UNC13A: variants seen among roughly 807,000 people sequenced by gnomAD.
UNC13A encodes unc-13 homolog A.
UNC13A carries 61 observed loss-of-function variants against 219.7 expected under a neutral mutation model. The observed-to-expected ratio is 0.28, with a 90% CI of 0.23 to 0.34. The LOEUF is 0.34. UNC13A is among the 10% of genes least tolerant of loss of function. The pLI is 1.00. For synonymous variants in UNC13A, 920 were observed against 884.6 expected (o/e 1.04, Z -0.71); for missense variants, 1,476 against 2,270.3 (o/e 0.65, Z 7.11).
Position 17,606,279 on chromosome 19 carries a change from C to G in UNC13A, c.4887G>C (p.Glu1629Asp). ...VCVKDYCFAR[E>D]DRTVGLAVLQ... ...GCACGGCCAGCCCCACCGTGCGGTC[C>G]TCGCGCGCGAAGCAGTAGTCCTTGA... Residue 1629 changes from glutamate (E) to aspartate (D), a missense_variant, in exon 44 of 44, where the codon GAG (glutamate) becomes GAC (aspartate). By Grantham distance (45) the Glu-to-Asp change is conservative (BLOSUM62 2). This residue lies in a region of UNC13A where 187 missense variants were observed against 172.3 expected (regional missense o/e 1.09). Transcript: ENST00000519716. 2 of 1,548,858 alleles carry G rather than the reference C, an allele frequency of 1.3e-6. No homozygotes were observed. The highest frequency in any genetic ancestry group is 1.7e-6 in the Non-Finnish European group (2 of 1,146,926).
At chr19:17,669,812 C>A in intron 4 of UNC13A, 136 bp from the exon 5 acceptor site, 2 of 1,053,248 alleles carry the variant, frequency 1.9e-6, no homozygotes, top group South Asian at 4.4e-5. Flanking sequence ...TCTTTCCTTC[C>A]GTCCTTCCTT....
intron 30 of UNC13A, 100 bp downstream of exon 30, chr19:17,630,045 C>T: frequency 7.4e-7 from 1 of 1,355,148 alleles, no homozygotes; most frequent in Non-Finnish European, 1.0e-6. Context: ...ACATCACCAA[C>T]TCCAACCTCA....
At chr19:17,625,999 A>G (rs2076779230) in intron 34 of UNC13A, among the ~76,000 whole-genome samples, 1 of 150,106 alleles carries the variant, frequency 6.7e-6, no homozygotes, top group African/African-American at 2.5e-5. Context: ...ACATCAAAAC[A>G]TTTATTCATT....
Position 17,669,546 on chromosome 19 carries a change from T to TACTC in UNC13A, c.394+3_394+6dup. 1 of 1,613,128 alleles carries TACTC rather than the reference T, an allele frequency of 6.2e-7. No homozygotes were observed. Among genetic ancestry groups the TACTC allele is most frequent in the Non-Finnish European group, 8.5e-7 (1 of 1,179,498 alleles). Reference sequence around the variant, plus strand: ...GCTGGGTGAAGGTCCCGGGCCCCTGTACTCACCTAAGGGTAGCTCAAAGCG... The same window carrying TACTC: ...GCTGGGTGAAGGTCCCGGGCCCCTGTACTCACTCACCTAAGGGTAGCTCAAAGCG... On this transcript the variant is annotated splice_region_variant and intron_variant, in intron 5 of 43. Transcript: ENST00000519716.
intron 31 of UNC13A, chr19:17,628,290 C>A: frequency 6.4e-6 from 2 of 313,828 alleles, no homozygotes; most frequent in South Asian, 4.2e-5. Context: ...TTGCAACAGC[C>A]AGACAGTGAC....
chr19:17,632,362 G>A (rs2076865332), intron 28 of UNC13A, among the ~76,000 whole-genome samples: 1 of 152,172 alleles, frequency 6.6e-6, no homozygotes, highest in Non-Finnish European at 1.5e-5. Context: ...TAATTTTAGA[G>A]ATGGGATCTG....
In UNC13A at chr19:17,648,600, C is replaced by CGA; in HGVS notation, c.1645_1646dup (p.Cys550ArgfsTer83). 1 of 1,613,532 alleles carries CGA rather than the reference C, an allele frequency of 6.2e-7. No individual in the cohort carries two copies. The highest frequency in any genetic ancestry group is 8.5e-7 in the Non-Finnish European group (1 of 1,179,602). On this transcript the variant is annotated frameshift_variant, in exon 16 of 44. Transcript: ENST00000519716. LOFTEE classifies it high-confidence loss of function. ...CTTCGAAGTTGTGTGGCGTCGTGCA[C>CGA]GAGATGGGGTAGATTAAGGCTTGCA...
chr19:17,619,768 C>T (rs528553078), intron 38 of UNC13A, among the ~76,000 whole-genome samples: 18 of 152,218 alleles, frequency 1.2e-4, no homozygotes, highest in African/African-American at 4.3e-4. Flanking sequence ...TCCCTCTATA[C>T]AAACACCTCC....
chr19:17,644,880 T>C (rs897501943), intron 19 of UNC13A, among the ~76,000 whole-genome samples: 4 of 149,476 alleles, frequency 2.7e-5, no homozygotes, highest in Admixed American at 2.0e-4. Context: ...TTTATAGAGA[T>C]GGGGTTTCAC....
At chr19:17,625,761 C>G (rs988100597) in intron 34 of UNC13A, among the ~76,000 whole-genome samples, 19 of 150,654 alleles carry the variant, frequency 1.3e-4, no homozygotes, top group Admixed American at 1.2e-3. Flanking sequence ...TGCATCAAAA[C>G]ATTTATTTAT....
At chr19:17,668,215 G>T in intron 5 of UNC13A, 25 bp from the exon 6 acceptor site, 2 of 1,607,822 alleles carry the variant, frequency 1.2e-6, no homozygotes, top group Non-Finnish European at 1.7e-6. Context: ...CTGTCTGTGA[G>T]CCTGGAAGAC....
rs1388141302 is a variant in UNC13A at position 17,674,771 on chromosome 19, G to T, written c.53-15C>A. On this transcript the variant is annotated splice_polypyrimidine_tract_variant and intron_variant, in intron 2 of 43. Coordinates refer to ENST00000519716, the MANE Select transcript of UNC13A (RefSeq NM_001080421.3). This position sits in a 1 kb window ranked among gnomAD's most constrained non-coding sequence, Gnocchi z 5.0. The stretch of plus-strand genomic sequence containing the variant: ...GTTGAATTTCTCTGTGGCAGTGAGA[G>T]TAGGGGTCAGCGCTGGGGCTCAGGG... The T allele has an allele frequency of 6.2e-7, 1 of 1,608,708 alleles. No homozygotes were observed. The highest frequency in any genetic ancestry group is 2.2e-5 in the East Asian group (1 of 44,858).
chr19:17,677,878 G>A (rs1420218504), intron 1 of UNC13A, among the ~76,000 whole-genome samples: 2 of 152,002 alleles, frequency 1.3e-5, no homozygotes, highest in South Asian at 2.1e-4. Flanking sequence ...TCCATGCGTC[G>A]GCAACCATAC....
intron 4 of UNC13A, among the ~76,000 whole-genome samples, 170 bp from the exon 5 acceptor site, chr19:17,669,846 C>T (rs985598821): frequency 6.6e-6 from 1 of 151,566 alleles, no homozygotes; most frequent in Admixed American, 6.6e-5. Context: ...CCTTCCCTCC[C>T]TCCCTCCCTG....
rs959935710 is a variant in UNC13A, at chr19:17,662,198, C to T, written c.559+1334G>A. Among the ~76,000 whole-genome samples the T allele has an allele frequency of 4.6e-5, 7 of 151,548 alleles. No individual in the cohort carries two copies. In the South Asian group the frequency reaches 1.0e-3, roughly 23 times the overall value. On this transcript the variant is annotated intron_variant, in intron 8 of 43. Transcript: ENST00000519716. The stretch of plus-strand genomic sequence containing the variant: ...CAGAGGTTGCAGTGAGGCGAGATTG[C>T]GCCACTGTACTCCATCCAGCCTGGG...
chr19:17,616,775 G>T lies in UNC13A; in HGVS notation c.4558+927C>A, dbSNP rs562705580. Among the ~76,000 whole-genome samples, 365 of 152,260 alleles carry T rather than the reference G, an allele frequency of 2.4e-3. 3 individuals are homozygous for T. Among genetic ancestry groups the T allele is most frequent in the African/African-American group, 8.3e-3 (345 of 41,550 alleles). The stretch of plus-strand genomic sequence containing the variant: ...TTGGGCTGGCTGGATCGGGGGAGAA[G>T]GGGGCCGTTGGAGGCCACAGGGCTT... On this transcript the variant is annotated intron_variant, in intron 41 of 43. Coordinates refer to ENST00000519716, the MANE Select transcript of UNC13A (RefSeq NM_001080421.3).
chr19:17,661,148 A>G (rs1384155450), intron 8 of UNC13A, among the ~76,000 whole-genome samples: 1 of 139,764 alleles, frequency 7.2e-6, no homozygotes, highest in Admixed American at 7.4e-5. Context: ...TCTGTTGCCC[A>G]GGCTGATTTC....
chr19:17,631,262 C>T (rs921774432), intron 28 of UNC13A, among the ~76,000 whole-genome samples: 3 of 135,298 alleles, frequency 2.2e-5, no homozygotes, highest in Non-Finnish European at 4.8e-5. Context: ...GTTCTGTTGC[C>T]CAGGCTAAAG....
chr19:17,659,851 C>T (rs1416721708), intron 8 of UNC13A, among the ~76,000 whole-genome samples: 2 of 152,100 alleles, frequency 1.3e-5, no homozygotes, highest in Admixed American at 6.6e-5. Flanking sequence ...TGAAAAAACC[C>T]CCAGACCCCA....
Sources: gnomAD v4.1 joint callset for allele counts (sites outside exome capture counted in the v4.1 genomes callset) on GRCh38, gnomAD v4.1.1 for gene constraint, gnomAD v4.1.1 regional missense constraint, Gnocchi (gnomAD v3.1) non-coding constraint, MANE v1.5 for transcripts, NCBI Gene and HGNC (gene_info 2026-07-23, HGNC 2026-07-21) for gene names.